SMG7: variants seen among roughly 807,000 people sequenced by gnomAD.
SMG7 encodes nonsense-mediated mRNA decay factor SMG7.
In SMG7, 34 loss-of-function variants were observed where a neutral mutation model predicts 148.2. The ratio of observed to expected loss-of-function variants is 0.23; its 90% CI spans 0.17 to 0.31. The LOEUF is 0.31. Among genes scored for constraint, SMG7 ranks in the 10% least tolerant of loss-of-function variants. The probability of loss-of-function intolerance (pLI) is 1.00; values close to 1 mark genes in which losing one functional copy is unlikely to be tolerated. For synonymous variants in SMG7, 492 were observed against 515.1 expected (o/e 0.96, Z 0.61); for missense variants, 1,114 against 1,408.4 (o/e 0.79, Z 3.35).
chr1:183,519,987 TTTTA>T (rs1324203518), intron 4 of SMG7, among the ~76,000 whole-genome samples: 1 of 152,140 alleles, frequency 6.6e-6, no homozygotes, highest in African/African-American at 2.4e-5. Context: ...TGTCCTTTCA[TTTTA>T]TTTAGAGTTG....
At position 183,553,133 on chromosome 1, in the gene SMG7, T is replaced by C. The variant is rs752554705; in HGVS notation, c.*1202T>C. On this transcript the variant is annotated 3_prime_UTR_variant, in exon 23 of 23. Coordinates refer to ENST00000688051, the MANE Select transcript of SMG7 (RefSeq NM_001375584.1). ...AGTGAAATTCAAGGCAGCACGGACATGTGCCCATCAGGCACAGAAGAAAAC... is the reference window on the plus strand; with the variant it reads ...AGTGAAATTCAAGGCAGCACGGACACGTGCCCATCAGGCACAGAAGAAAAC... 2.7e-5 allele frequency: 41 copies of C among 1,536,290 alleles called. No homozygotes were observed. Among genetic ancestry groups the C allele is most frequent in the Non-Finnish European group, 3.5e-5 (40 of 1,146,944 alleles).
Position 183,527,751 on chromosome 1 carries a change from A to G in SMG7, c.485-205A>G, listed in dbSNP as rs1195010238. The G allele has an allele frequency of 1.7e-6, 1 of 579,834 alleles. No homozygotes were observed. Among genetic ancestry groups the G allele is most frequent in the Non-Finnish European group, 3.3e-6 (1 of 298,778 alleles). The allele number at this position is 579,834 out of a possible 1,614,324, so 35.9% of individuals were successfully genotyped here. A position where few individuals can be genotyped will look rare whatever the true frequency, so the allele number is the denominator to read the frequency against. ...GTCTAGGTAAGCTTTAAAATTGGTT[A>G]CATGCTGAATGTCCCAAATAAGGAA... On this transcript the variant is annotated intron_variant, in intron 5 of 22. Coordinates refer to ENST00000688051, the MANE Select transcript of SMG7 (RefSeq NM_001375584.1). This position sits in a 1 kb window ranked among gnomAD's most constrained non-coding sequence, Gnocchi z 4.0.
intron 10 of SMG7, among the ~76,000 whole-genome samples, chr1:183,534,320 T>C (rs1196389388): frequency 6.6e-6 from 1 of 152,218 alleles, no homozygotes; most frequent in Non-Finnish European, 1.5e-5. Context: ...CTCTGTCATC[T>C]CTACTCACAG....
At position 183,552,057 on chromosome 1, in the gene SMG7, A is replaced by C. The variant is rs1219791228; in HGVS notation, c.*126A>C. 49 of 1,371,202 alleles carry C rather than the reference A, an allele frequency of 3.6e-5. No individual in the cohort carries two copies. 84.9% of individuals were successfully genotyped at this position (1,371,202 alleles called of 1,614,324 possible). A position where few individuals can be genotyped will look rare whatever the true frequency, so the allele number is the denominator to read the frequency against. Reference sequence around the variant, plus strand: ...CTGTTTCTCGCTGTCAAGAGGGTGTAAGTATTCCACCAGCCCGCTGAGTGT... The same window carrying C: ...CTGTTTCTCGCTGTCAAGAGGGTGTCAGTATTCCACCAGCCCGCTGAGTGT... On this transcript the variant is annotated 3_prime_UTR_variant, in exon 23 of 23. Coordinates refer to ENST00000688051, the MANE Select transcript of SMG7 (RefSeq NM_001375584.1).
intron 16 of SMG7, 60 bp from the exon 17 acceptor site, chr1:183,545,906 A>G: frequency 1.3e-6 from 2 of 1,511,650 alleles, no homozygotes; most frequent in African/African-American, 1.4e-5. Context: ...ATTCTTTAGC[A>G]TTCATTATAA....
rs61323461 is a variant in SMG7 at position 183,494,598 on chromosome 1, T to TA, written c.30-18228dup. Among the ~76,000 whole-genome samples, 463 of 143,556 alleles carry TA rather than the reference T, an allele frequency of 3.2e-3. 2 individuals are homozygous for TA. The highest frequency in any genetic ancestry group is 7.1e-3 in the Middle Eastern group (2 of 280). The allele number at this position is 143,556 out of a possible 152,430, so 94.2% of individuals were successfully genotyped here. A position where few individuals can be genotyped will look rare whatever the true frequency, so the allele number is the denominator to read the frequency against. On this transcript the variant is annotated intron_variant, in intron 1 of 22. Transcript: ENST00000688051. Reference sequence around the variant, plus strand: ...CAAATTTCCTCAGCTCTTATGTTTCTAAAAAAAAAAACGTATTTTTTTCAC... The same window carrying TA: ...CAAATTTCCTCAGCTCTTATGTTTCTAAAAAAAAAAAACGTATTTTTTTCAC...
At chr1:183,531,626 A>G (rs1666884147) in intron 8 of SMG7, among the ~76,000 whole-genome samples, 1 of 152,100 alleles carries the variant, frequency 6.6e-6, no homozygotes, top group Non-Finnish European at 1.5e-5. Context: ...AACTTATATT[A>G]TCATTTGTTA....
At chr1:183,541,562 T>TGAGTTCCGTTTC (rs1331652241) in intron 13 of SMG7, among the ~76,000 whole-genome samples, 1 of 152,008 alleles carries the variant, frequency 6.6e-6, no homozygotes. Flanking sequence ...TCCATTGGTT[T>TGAGTTCCGTTTC]GAGTTCCGTT....
chr1:183,519,926 C>T (rs1420521165), intron 4 of SMG7, among the ~76,000 whole-genome samples: 2 of 151,966 alleles, frequency 1.3e-5, no homozygotes, highest in Non-Finnish European at 2.9e-5. Context: ...ACCATTTTGT[C>T]GTTTTCCCAA....
intron 1 of SMG7, among the ~76,000 whole-genome samples, chr1:183,473,300 G>A (rs1470479070): frequency 2.0e-5 from 3 of 152,118 alleles, no homozygotes; most frequent in African/African-American, 7.2e-5. Flanking sequence ...GGGTTTTTCA[G>A]AAGAAACTGG....
intron 1 of SMG7, among the ~76,000 whole-genome samples, chr1:183,477,554 G>T (rs1418930676): frequency 6.7e-6 from 1 of 148,474 alleles, no homozygotes; most frequent in African/African-American, 2.5e-5. Context: ...ATATATACGT[G>T]TGTGCATATG....
intron 1 of SMG7, among the ~76,000 whole-genome samples, chr1:183,474,218 G>A (rs181987492): frequency 6.6e-6 from 1 of 152,338 alleles, no homozygotes; most frequent in Admixed American, 6.5e-5. Flanking sequence ...TTGCAGTTGA[G>A]TATCTGTTAG....
chr1:183,534,423 T>C (rs1395346056), intron 10 of SMG7, among the ~76,000 whole-genome samples: 1 of 152,230 alleles, frequency 6.6e-6, no homozygotes, highest in Non-Finnish European at 1.5e-5. Context: ...ACTTCCAAGG[T>C]GGCTTGGCAC....
rs1411640158 is a variant in SMG7 at position 183,551,935 on chromosome 1, C to T, written c.*4C>T. ...CACCATGAACCCTCCACACTGAGGC[C>T]AAAGTGGCAACCTGGGAATGAAGGC... is the stretch of plus-strand genomic sequence containing the variant. On this transcript the variant is annotated 3_prime_UTR_variant, in exon 23 of 23. Coordinates refer to ENST00000688051, the MANE Select transcript of SMG7 (RefSeq NM_001375584.1). The T allele has an allele frequency of 6.2e-7, 1 of 1,612,940 alleles. No homozygotes were observed. Among genetic ancestry groups the T allele is most frequent in the South Asian group, 1.1e-5 (1 of 90,940 alleles).
At chr1:183,498,590 T>C (rs1163367506) in intron 1 of SMG7, among the ~76,000 whole-genome samples, 1 of 152,246 alleles carries the variant, frequency 6.6e-6, no homozygotes, top group Admixed American at 6.5e-5. Flanking sequence ...GTTACACTCT[T>C]GTTTTCTTTT....
At chr1:183,539,453 C>T (rs1329294709) in intron 12 of SMG7, among the ~76,000 whole-genome samples, 1 of 152,012 alleles carries the variant, frequency 6.6e-6, no homozygotes, top group East Asian at 1.9e-4. Flanking sequence ...TTGCCCTTTC[C>T]TTCTCACTTT....
intron 2 of SMG7, among the ~76,000 whole-genome samples, chr1:183,515,255 T>G (rs1335495115): frequency 6.6e-6 from 1 of 150,622 alleles, no homozygotes; most frequent in African/African-American, 2.4e-5. Flanking sequence ...TAATGTGGAT[T>G]GCTCACAAAA....
At chr1:183,500,095 GA>G (rs2102304326) in intron 1 of SMG7, among the ~76,000 whole-genome samples, 1 of 152,294 alleles carries the variant, frequency 6.6e-6, no homozygotes, top group Admixed American at 6.5e-5. Context: ...AAATTGAGAT[GA>G]GGGGAAATAG....
intron 12 of SMG7, 124 bp from the exon 13 acceptor site, chr1:183,540,860 C>T: frequency 1.4e-6 from 1 of 725,800 alleles, no homozygotes; most frequent in Non-Finnish European, 2.2e-6. Flanking sequence ...CAGTTGATTA[C>T]ATCAAGTAGC....
Sources: allele counts gnomAD v4.1 joint callset (sites outside exome capture counted in the v4.1 genomes callset), GRCh38; gene constraint gnomAD v4.1.1; non-coding constraint Gnocchi (gnomAD v3.1); transcripts MANE v1.5; gene names NCBI Gene and HGNC (gene_info 2026-07-23, HGNC 2026-07-21).